The following HS6ST3 variants were observed in gnomAD, a reference collection of about 807,000 sequenced individuals.
HS6ST3 encodes heparan sulfate 6-O-sulfotransferase 3.
A neutral mutation model predicts 36.7 loss-of-function variants in HS6ST3; 12 were observed. That is an observed-to-expected ratio of 0.33 (90% CI 0.21 to 0.53). The LOEUF (loss-of-function observed/expected upper bound fraction) is 0.53, where lower values mean the gene tolerates loss of function less well. Ranked by LOEUF, HS6ST3 falls within the 20% of genes least tolerant of loss-of-function variation. HS6ST3 has a pLI of 0.95. For synonymous variants in HS6ST3, 240 were observed against 257.5 expected (o/e 0.93, Z 0.65); for missense variants, 584 against 640.9 (o/e 0.91, Z 0.96).
intron 1 of HS6ST3, among the ~76,000 whole-genome samples, chr13:96,682,837 C>T (rs1435670866): frequency 6.6e-6 from 1 of 151,978 alleles, no homozygotes; most frequent in African/African-American, 2.4e-5. Flanking sequence ...GAAAATAATT[C>T]CAGAATAGCA....
chr13:96,627,027 G>T (rs564265878), intron 1 of HS6ST3, among the ~76,000 whole-genome samples: 1 of 151,908 alleles, frequency 6.6e-6, no homozygotes, highest in Non-Finnish European at 1.5e-5. Context: ...TCTGGTTCCT[G>T]TATTTTTATT....
At position 96,361,800 on chromosome 13, in the gene HS6ST3, T is replaced by C. The variant is rs534012057; in HGVS notation, c.707+270231T>C. 9.2e-5 allele frequency among the ~76,000 whole-genome samples: 14 copies of C among 152,210 alleles called. No homozygotes were observed. The South Asian group carries it at 1.9e-3, about 20-fold the overall frequency. The stretch of plus-strand genomic sequence containing the variant: ...GTGTCTGGCTATCTAATTCAACTTA[T>C]TTGGTTCATTAGAGATGCCTTCATG... On this transcript the variant is annotated intron_variant, in intron 1 of 1. Transcript: ENST00000376705.
chr13:96,696,188 C>T (rs960553180), intron 1 of HS6ST3, among the ~76,000 whole-genome samples: 7 of 152,142 alleles, frequency 4.6e-5, no homozygotes, highest in Non-Finnish European at 7.3e-5. Context: ...TCAGAAGGGC[C>T]GGCTGGAACT....
chr13:96,530,174 C>CTTG (rs3051248), intron 1 of HS6ST3, among the ~76,000 whole-genome samples: 124,309 of 151,950 alleles, frequency 0.82, 51,913 homozygotes, highest in Non-Finnish European at 0.9. Context: ...ATATGATGGA[C>CTTG]TTGTTTTTGT....
At chr13:96,202,998 C>CACTCACTCCCTCACTCATTT (rs1448351152) in intron 1 of HS6ST3, among the ~76,000 whole-genome samples, 1 of 152,158 alleles carries the variant, frequency 6.6e-6, no homozygotes. Context: ...TCAACTCATT[C>CACTCACTCCCTCACTCATTT]ACTCACTCCC....
chr13:96,401,437 C>A (rs1336995847), intron 1 of HS6ST3, among the ~76,000 whole-genome samples: 1 of 152,242 alleles, frequency 6.6e-6, no homozygotes, highest in East Asian at 1.9e-4. Context: ...CTATGCCCAT[C>A]TGTCTTGCCT....
intron 1 of HS6ST3, among the ~76,000 whole-genome samples, chr13:96,749,024 G>A (rs939433862): frequency 4.6e-5 from 7 of 151,926 alleles, no homozygotes; most frequent in African/African-American, 7.3e-5. Flanking sequence ...CCTCACTGCC[G>A]TCCTTCCATT....
chr13:96,145,828 G>A (rs2054055364), intron 1 of HS6ST3, among the ~76,000 whole-genome samples: 1 of 152,154 alleles, frequency 6.6e-6, no homozygotes, highest in Admixed American at 6.5e-5. Context: ...ATTAATTTAT[G>A]TATAAGGTGT....
At chr13:96,584,693 A>G (rs1363363029) in intron 1 of HS6ST3, among the ~76,000 whole-genome samples, 2 of 152,186 alleles carry the variant, frequency 1.3e-5, no homozygotes, top group Non-Finnish European at 2.9e-5. Context: ...GGTATCTTAT[A>G]CAGAAGAGCA....
At chr13:96,302,203 C>T (rs980371290) in intron 1 of HS6ST3, among the ~76,000 whole-genome samples, 1 of 151,958 alleles carries the variant, frequency 6.6e-6, no homozygotes, top group Admixed American at 6.6e-5. Flanking sequence ...TATTTGACTA[C>T]CAACTCCCTT....
intron 1 of HS6ST3, among the ~76,000 whole-genome samples, chr13:96,581,440 T>C (rs1412411522): frequency 1.3e-5 from 2 of 152,052 alleles, no homozygotes; most frequent in African/African-American, 4.8e-5. Context: ...GCCAGGTTGG[T>C]CTCGATCTCC....
chr13:96,681,295 G>T (rs2056717555), intron 1 of HS6ST3, among the ~76,000 whole-genome samples: 1 of 152,180 alleles, frequency 6.6e-6, no homozygotes, highest in African/African-American at 2.4e-5. Context: ...TCTGGGAAAT[G>T]GATGTAGACT....
intron 1 of HS6ST3, among the ~76,000 whole-genome samples, chr13:96,103,201 A>G (rs2053825932): frequency 6.6e-6 from 1 of 152,200 alleles, no homozygotes; most frequent in Non-Finnish European, 1.5e-5. Flanking sequence ...TAAAACCTAA[A>G]GAGAGATGAG....
intron 1 of HS6ST3, among the ~76,000 whole-genome samples, chr13:96,596,340 A>G (rs1324381979): frequency 6.6e-6 from 1 of 152,142 alleles, no homozygotes; most frequent in Non-Finnish European, 1.5e-5. Flanking sequence ...TGTATATTAC[A>G]TTTTCATTAT....
intron 1 of HS6ST3, among the ~76,000 whole-genome samples, chr13:96,808,579 G>A (rs1878249768): frequency 1.3e-5 from 2 of 152,134 alleles, no homozygotes; most frequent in African/African-American, 4.8e-5. Flanking sequence ...AGTCTTTGTT[G>A]TTTTTAGTCA....
intron 1 of HS6ST3, among the ~76,000 whole-genome samples, chr13:96,604,108 A>C (rs1167081610): frequency 6.6e-6 from 1 of 152,176 alleles, no homozygotes. Flanking sequence ...ATATAGGAGC[A>C]GTTCTGGCTG....
intron 1 of HS6ST3, among the ~76,000 whole-genome samples, chr13:96,156,385 G>T (rs919928261): frequency 6.6e-6 from 1 of 152,162 alleles, no homozygotes; most frequent in Admixed American, 6.5e-5. Flanking sequence ...TAGTGAGGCA[G>T]GCATTTCTAG....
chr13:96,187,464 C>T (rs550387086), intron 1 of HS6ST3, among the ~76,000 whole-genome samples: 1 of 152,190 alleles, frequency 6.6e-6, no homozygotes, highest in East Asian at 1.9e-4. Context: ...AGCAGTTTGC[C>T]CCAGGTTTCC....
intron 1 of HS6ST3, among the ~76,000 whole-genome samples, chr13:96,120,121 G>A (rs1393060788): frequency 2.6e-5 from 4 of 152,180 alleles, no homozygotes; most frequent in Non-Finnish European, 4.4e-5. Context: ...AATGCCCTGT[G>A]AGAGGGAAGG....
Sources: allele counts gnomAD v4.1 joint callset (sites outside exome capture counted in the v4.1 genomes callset), GRCh38; gene constraint gnomAD v4.1.1; transcripts MANE v1.5; gene names NCBI Gene and HGNC (gene_info 2026-07-23, HGNC 2026-07-21).